The following GPR158 variants were observed in gnomAD, a reference collection of about 807,000 sequenced individuals.
The protein encoded by GPR158 is metabotropic glycine receptor.
A neutral mutation model predicts 78.2 loss-of-function variants in GPR158; 30 were observed. The ratio of observed to expected loss-of-function variants is 0.38; its 90% CI spans 0.29 to 0.52. The LOEUF (loss-of-function observed/expected upper bound fraction) is 0.52, where lower values mean the gene tolerates loss of function less well. Among genes scored for constraint, GPR158 ranks in the 20% least tolerant of loss-of-function variants. The pLI, the probability that GPR158 is intolerant of heterozygous loss-of-function variation, is 0.83. For synonymous variants in GPR158, 581 were observed against 591.1 expected, an observed-to-expected ratio of 0.98 and a Z score of 0.25; for missense variants, 1,463 against 1,523.5, an observed-to-expected ratio of 0.96 and a Z score of 0.66.
intron 5 of GPR158, among the ~76,000 whole-genome samples, chr10:25,486,195 T>C (rs531794723): frequency 2.4e-4 from 37 of 152,282 alleles, no homozygotes; most frequent in African/African-American, 8.7e-4. Flanking sequence ...AATTCAAAAA[T>C]AGACATATTC....
At chr10:25,328,885 C>A (rs2130489065) in intron 2 of GPR158, among the ~76,000 whole-genome samples, 1 of 130,486 alleles carries the variant, frequency 7.7e-6, no homozygotes, top group East Asian at 2.1e-4. Context: ...TGAGATTGCG[C>A]CATTGTGCTC....
At chr10:25,263,845 G>A (rs1854002662) in intron 2 of GPR158, among the ~76,000 whole-genome samples, 2 of 152,192 alleles carry the variant, frequency 1.3e-5, no homozygotes, top group Admixed American at 1.3e-4. Flanking sequence ...GCTGAGGCAG[G>A]AGAATTGCTT....
chr10:25,442,644 T>C (rs1220132325), intron 4 of GPR158, among the ~76,000 whole-genome samples: 3 of 152,162 alleles, frequency 2.0e-5, no homozygotes, highest in African/African-American at 7.2e-5. Context: ...CTTCCCTGTC[T>C]CAGGGAATGC....
intron 5 of GPR158, among the ~76,000 whole-genome samples, chr10:25,504,587 G>A (rs565545216): frequency 1.3e-4 from 20 of 152,100 alleles, no homozygotes; most frequent in Non-Finnish European, 2.6e-4. Context: ...TCTGCTGCCC[G>A]CTGGAGCCCT....
chr10:25,410,747 T>C (rs1049863811), intron 3 of GPR158, among the ~76,000 whole-genome samples: 1 of 152,366 alleles, frequency 6.6e-6, no homozygotes, highest in Non-Finnish European at 1.5e-5. Flanking sequence ...TAGGGAACCA[T>C]GTCTGCTTGA....
At chr10:25,478,422 T>A (rs1481459371) in intron 5 of GPR158, among the ~76,000 whole-genome samples, 1 of 151,994 alleles carries the variant, frequency 6.6e-6, no homozygotes, top group East Asian at 1.9e-4. Context: ...AAATAGTCAT[T>A]GTGTACATTT....
chr10:25,420,481 A>G (rs1834735160), intron 4 of GPR158, among the ~76,000 whole-genome samples: 1 of 152,064 alleles, frequency 6.6e-6, no homozygotes, highest in Non-Finnish European at 1.5e-5. Flanking sequence ...GATGAAGTGT[A>G]TCTATTTTTT....
chr10:25,258,918 G>A (rs146500932), intron 2 of GPR158, among the ~76,000 whole-genome samples: 35 of 152,248 alleles, frequency 2.3e-4, no homozygotes, highest in African/African-American at 8.4e-4. Flanking sequence ...TATACCGTAT[G>A]CATATAATAA....
chr10:25,196,163 A>C (rs1044227240), intron 1 of GPR158, among the ~76,000 whole-genome samples: 6 of 151,966 alleles, frequency 3.9e-5, no homozygotes, highest in Non-Finnish European at 8.8e-5. Flanking sequence ...TGTAACTCCT[A>C]CAGTTGAATA....
chr10:25,558,369 C>A (rs1296069648), intron 6 of GPR158, among the ~76,000 whole-genome samples: 2 of 152,130 alleles, frequency 1.3e-5, no homozygotes, highest in Non-Finnish European at 2.9e-5. Context: ...ATCTTGTATA[C>A]CCTCAAGTGG....
intron 4 of GPR158, among the ~76,000 whole-genome samples, chr10:25,438,518 A>C (rs1345577858): frequency 1.3e-5 from 2 of 152,202 alleles, no homozygotes; most frequent in Non-Finnish European, 2.9e-5. Context: ...CAGCATTGAT[A>C]TGTGTGACCA....
chr10:25,385,613 ATCC>A (rs1834211105), intron 2 of GPR158, among the ~76,000 whole-genome samples: 1 of 152,098 alleles, frequency 6.6e-6, no homozygotes, highest in Non-Finnish European at 1.5e-5. Flanking sequence ...TTTTTTCCAC[ATCC>A]TCAGAAACAT....
intron 2 of GPR158, among the ~76,000 whole-genome samples, chr10:25,231,945 C>T (rs1383447766): frequency 6.6e-6 from 1 of 152,130 alleles, no homozygotes; most frequent in African/African-American, 2.4e-5. Flanking sequence ...GGGTGATCTG[C>T]AGCATATGCA....
At position 25,598,056 on chromosome 10, in the gene GPR158, A is replaced by G. The variant is rs1588930152; in HGVS notation, c.2430A>G (p.Arg810=). The stretch of plus-strand genomic sequence containing the variant: ...CCAAGGAGGAGACCCTGAAAAACCG[A>G]GTCTTCTCACTCAAGAAATCCCACA... ...GKSKEETLKN[R]VFSLKKSHST... Residue 810 remains arginine (R), a synonymous_variant, in exon 11 of 11, where the codon CGA becomes CGG. Transcript: ENST00000376351. The G allele has an allele frequency of 1.2e-6, 2 of 1,614,100 alleles. No homozygotes were observed. The highest frequency in any genetic ancestry group is 1.7e-6 in the Non-Finnish European group (2 of 1,180,020).
intron 4 of GPR158, among the ~76,000 whole-genome samples, chr10:25,421,474 C>G (rs1190991562): frequency 6.6e-6 from 1 of 152,076 alleles, no homozygotes; most frequent in East Asian, 1.9e-4. Context: ...TTTAGTCCAC[C>G]TATAGAGGTA....
chr10:25,535,726 A>G (rs1836490124), intron 5 of GPR158, among the ~76,000 whole-genome samples: 1 of 152,236 alleles, frequency 6.6e-6, no homozygotes, highest in African/African-American at 2.4e-5. Context: ...TATCCATCAT[A>G]TTAATAGTTC....
intron 4 of GPR158, among the ~76,000 whole-genome samples, chr10:25,437,134 AT>A (rs1242755013): frequency 6.6e-5 from 10 of 152,188 alleles, no homozygotes; most frequent in Non-Finnish European, 1.5e-4. Flanking sequence ...TTGGTAGCTG[AT>A]AGTATTAATC....
At chr10:25,421,197 T>C (rs1278230418) in intron 4 of GPR158, among the ~76,000 whole-genome samples, 5 of 152,204 alleles carry the variant, frequency 3.3e-5, no homozygotes, top group Non-Finnish European at 7.3e-5. Flanking sequence ...TATTCCTAAG[T>C]ATTACGATAT....
At chr10:25,229,695 A>G (rs1006155275) in intron 2 of GPR158, among the ~76,000 whole-genome samples, 3 of 152,180 alleles carry the variant, frequency 2.0e-5, no homozygotes, top group Non-Finnish European at 4.4e-5. Flanking sequence ...CTTATTTTCT[A>G]GGAAACATGT....
Sources: gnomAD v4.1 joint callset for allele counts (sites outside exome capture counted in the v4.1 genomes callset) on GRCh38, gnomAD v4.1.1 for gene constraint, MANE v1.5 for transcripts, NCBI Gene and HGNC (gene_info 2026-07-23, HGNC 2026-07-21) for gene names.